The following FREM3 variants were observed in gnomAD, a reference collection of about 807,000 sequenced individuals.
FREM3 encodes the protein FRAS1-related extracellular matrix protein 3.
In FREM3, 105 loss-of-function variants were observed where a neutral mutation model predicts 129.1. That is an observed-to-expected ratio of 0.81 (90% CI 0.69 to 0.96). The LOEUF is 0.96. Ranked by LOEUF, FREM3 falls within the 40% of genes least tolerant of loss-of-function variation. The probability of loss-of-function intolerance (pLI) is 0.00; values close to 1 mark genes in which losing one functional copy is unlikely to be tolerated. For synonymous variants in FREM3, 1,014 were observed against 1,044.9 expected, an observed-to-expected ratio of 0.97 and a Z score of 0.57; for missense variants, 2,593 against 2,666.3, an observed-to-expected ratio of 0.97 and a Z score of 0.61.
chr4:143,669,961 T>C (rs1326264051), intron 2 of FREM3, among the ~76,000 whole-genome samples: 1 of 152,212 alleles, frequency 6.6e-6, no homozygotes, highest in East Asian at 1.9e-4. Flanking sequence ...ACTCTGTCTA[T>C]TGTTACAAGA....
intron 2 of FREM3, among the ~76,000 whole-genome samples, chr4:143,642,027 C>T (rs1410100492): frequency 6.6e-6 from 1 of 151,184 alleles, no homozygotes; most frequent in Non-Finnish European, 1.5e-5. Flanking sequence ...TTGGATACTG[C>T]CTGCAGTCAT....
intron 2 of FREM3, among the ~76,000 whole-genome samples, chr4:143,655,589 G>A (rs1450242): frequency 0.13 from 20,386 of 152,198 alleles, 1,626 homozygotes; most frequent in South Asian, 0.22. Context: ...TGAAACAAAA[G>A]GCAGCATCTT....
chr4:143,662,931 G>T (rs986216458), intron 2 of FREM3, among the ~76,000 whole-genome samples: 2 of 151,844 alleles, frequency 1.3e-5, no homozygotes, highest in East Asian at 1.9e-4. Flanking sequence ...TTTTCCATTT[G>T]CTTGGTAGAT....
chr4:143,649,350 T>A (rs1739473585), intron 2 of FREM3: 1 of 152,204 alleles, frequency 6.6e-6, no homozygotes, highest in African/African-American at 2.4e-5. Context: ...CATCAGACAA[T>A]ATTTGGATCA....
At position 143,610,605 on chromosome 4, in the gene FREM3, T is replaced by C. The variant is rs145557993; in HGVS notation, c.6028+674A>G. Reference sequence around the variant, plus strand: ...TGAGAGATGAAGCAGTCACACTAATTTGAGAGTAGTAATAAAACAGTCTGA... The same window carrying C: ...TGAGAGATGAAGCAGTCACACTAATCTGAGAGTAGTAATAAAACAGTCTGA... On this transcript the variant is annotated intron_variant, in intron 6 of 7. Transcript: ENST00000329798. Among the ~76,000 whole-genome samples, 5 of 152,270 alleles carry C rather than the reference T, an allele frequency of 3.3e-5. No homozygotes were observed. The East Asian group carries it at 7.7e-4, about 24-fold the overall frequency.
At chr4:143,656,413 G>A (rs928117682) in intron 2 of FREM3, among the ~76,000 whole-genome samples, 2 of 151,986 alleles carry the variant, frequency 1.3e-5, no homozygotes, top group African/African-American at 4.8e-5. Context: ...ACATCCAAAT[G>A]TCTATCAATT....
Position 143,699,854 on chromosome 4 carries a change from AG to A in FREM3, c.821del (p.Pro274LeufsTer21). ...CCGCGGACCCAGCGTCTTGGCCCTC[AG>A]GCCCCAGCAGCTCCACCATCATGGG... ...YVPMMVELLG[P>X]EGQDAGSAGV... On this transcript the variant is annotated frameshift_variant, in exon 1 of 8. Coordinates refer to ENST00000329798, the MANE Select transcript of FREM3 (RefSeq NM_001168235.2). LOFTEE classifies it high-confidence loss of function. This position sits in a 1 kb window ranked among gnomAD's most constrained non-coding sequence, Gnocchi z 4.2. 1 of 1,536,614 alleles carries A rather than the reference AG, an allele frequency of 6.5e-7. No individual in the cohort carries two copies. Among genetic ancestry groups the A allele is most frequent in the South Asian group, 1.2e-5 (1 of 84,062 alleles).
In FREM3 at chr4:143,697,371, T is replaced by G; in HGVS notation, c.3305A>C (p.Gln1102Pro). ...AGTCACTGTGCAGAGGAGTTCATCT[T>G]GATGAGTGTCCACATCTTCAACATG... ...HLHVEDVDTH[Q>P]DELLCTVTSQ... Residue 1102 changes from glutamine to proline, a missense_variant, in exon 1 of 8, where the codon CAA becomes CCA. By Grantham distance (76) the Gln-to-Pro change is moderately conservative. Transcript: ENST00000329798. 1.3e-6 allele frequency: 2 copies of G among 1,537,254 alleles called. No homozygotes were observed. The highest frequency in any genetic ancestry group is 1.7e-6 in the Non-Finnish European group (2 of 1,146,900).
intron 2 of FREM3, among the ~76,000 whole-genome samples, chr4:143,670,621 A>G (rs1468272910): frequency 6.6e-6 from 1 of 152,198 alleles, no homozygotes; most frequent in Admixed American, 6.5e-5. Context: ...CAGGATATTT[A>G]GCAACTGGAA....
chr4:143,633,799 G>A (rs936011112), intron 2 of FREM3, among the ~76,000 whole-genome samples: 12 of 152,140 alleles, frequency 7.9e-5, no homozygotes, highest in Non-Finnish European at 1.5e-4. Context: ...AAGTCAAACC[G>A]TACATCAGGC....
chr4:143,638,226 C>T (rs781673604), intron 2 of FREM3, among the ~76,000 whole-genome samples: 16 of 151,980 alleles, frequency 1.1e-4, no homozygotes, highest in Admixed American at 3.9e-4. Context: ...GCTTTTGACA[C>T]AAAATAAAAT....
At chr4:143,584,548 C>T (rs1246411502) in intron 7 of FREM3, among the ~76,000 whole-genome samples, 2 of 152,038 alleles carry the variant, frequency 1.3e-5, no homozygotes, top group African/African-American at 4.8e-5. Flanking sequence ...ATTATATAAT[C>T]GTAAAGGGTT....
At position 143,698,149 on chromosome 4, in the gene FREM3, C is replaced by G; in HGVS notation, c.2527G>C (p.Gly843Arg). ...TNRGFAILEGGSFNLSSNELH... is the reference protein window; with the variant it reads ...TNRGFAILEGRSFNLSSNELH... ...TCATTACTGCTGAGGTTAAAGCTGC[C>G]TCCCTCTAAGATAGCAAAGCCTCTG... Residue 843 changes from glycine (G) to arginine (R), a missense_variant, in exon 1 of 8, where the codon GGC becomes CGC. Physicochemically the swap from Gly to Arg is moderately radical, Grantham distance 125 (BLOSUM62 -2). Coordinates refer to ENST00000329798, the MANE Select transcript of FREM3 (RefSeq NM_001168235.2). The G allele has an allele frequency of 3.3e-6, 5 of 1,537,434 alleles. No individual in the cohort carries two copies. Among genetic ancestry groups the G allele is most frequent in the Non-Finnish European group, 4.4e-6 (5 of 1,146,964 alleles).
chr4:143,676,342 C>T (rs1452667508), intron 2 of FREM3, among the ~76,000 whole-genome samples: 7 of 151,272 alleles, frequency 4.6e-5, no homozygotes, highest in Admixed American at 3.3e-4. Flanking sequence ...AATTCAACAA[C>T]CCTTCATGCT....
In FREM3 at chr4:143,693,106, G is replaced by T; in HGVS notation, c.5275+7C>A. 2 of 1,414,922 alleles carry T rather than the reference G, an allele frequency of 1.4e-6. No individual in the cohort carries two copies. Among genetic ancestry groups the T allele is most frequent in the Admixed American group, 2.3e-5 (1 of 44,136 alleles). 87.6% of individuals were successfully genotyped at this position (1,414,922 alleles called of 1,614,324 possible). A position where few individuals can be genotyped will look rare whatever the true frequency, so the allele number is the denominator to read the frequency against. On this transcript the variant is annotated splice_region_variant and intron_variant, in intron 2 of 7. Coordinates refer to ENST00000329798, the MANE Select transcript of FREM3 (RefSeq NM_001168235.2). Reference sequence around the variant, plus strand: ...TGAATCCTTTTGAAGGGTTTATTATGACTTACCATTGTCTTCAACAGAGAA... The same window carrying T: ...TGAATCCTTTTGAAGGGTTTATTATTACTTACCATTGTCTTCAACAGAGAA...
intron 2 of FREM3, chr4:143,645,105 A>G (rs1478300333): frequency 2.6e-5 from 4 of 152,202 alleles, no homozygotes; most frequent in African/African-American, 7.2e-5. Flanking sequence ...AGAGTCCAGC[A>G]GGACTGTGGC....
At chr4:143,669,455 A>T (rs1382115525) in intron 2 of FREM3, among the ~76,000 whole-genome samples, 3 of 146,770 alleles carry the variant, frequency 2.0e-5, no homozygotes, top group Non-Finnish European at 4.5e-5. Flanking sequence ...GTTTAAAACA[A>T]TTTTTTTTTT....
intron 2 of FREM3, among the ~76,000 whole-genome samples, chr4:143,666,210 A>G (rs951686217): frequency 6.6e-6 from 1 of 152,144 alleles, no homozygotes; most frequent in African/African-American, 2.4e-5. Flanking sequence ...TTCATAGAAC[A>G]ATGTTTCTAC....
chr4:143,691,106 GA>G (rs1266737324), intron 2 of FREM3, among the ~76,000 whole-genome samples: 2 of 152,176 alleles, frequency 1.3e-5, no homozygotes, highest in African/African-American at 4.8e-5. Flanking sequence ...CTGGATAAAT[GA>G]ATGTGCAAAT....
Sources: gnomAD v4.1 joint callset for allele counts (sites outside exome capture counted in the v4.1 genomes callset) on GRCh38, gnomAD v4.1.1 for gene constraint, Gnocchi (gnomAD v3.1) non-coding constraint, MANE v1.5 for transcripts, NCBI Gene and HGNC (gene_info 2026-07-23, HGNC 2026-07-21) for gene names.